The following HSD3B2 variants were observed in gnomAD, a reference collection of about 807,000 sequenced individuals.
The protein encoded by HSD3B2 is 3 beta-hydroxysteroid dehydrogenase/Delta 5-->4-isomerase type 2.
In HSD3B2, 8 loss-of-function variants were observed where a neutral mutation model predicts 9.9. The ratio of observed to expected loss-of-function variants is 0.81; its 90% CI spans 0.47 to 1.46. The LOEUF (loss-of-function observed/expected upper bound fraction) is 1.46. Among genes scored for constraint, HSD3B2 ranks in the 40% most tolerant of loss-of-function variants. The probability of loss-of-function intolerance (pLI) is 0.00; values close to 1 mark genes in which losing one functional copy is unlikely to be tolerated. For synonymous variants in HSD3B2, 221 were observed against 184.5 expected (o/e 1.20, Z -1.60); for missense variants, 410 against 448.3 (o/e 0.91, Z 0.77).
chr1:119,415,566 G>C lies in HSD3B2; in HGVS notation c.142+5G>C. The C allele has an allele frequency of 6.2e-7, 1 of 1,613,660 alleles. No homozygotes were observed. The highest frequency in any genetic ancestry group is 8.5e-7 in the Non-Finnish European group (1 of 1,179,684). On this transcript the variant is annotated splice_donor_5th_base_variant and intron_variant, in intron 2 of 3. Coordinates refer to ENST00000369416, the MANE Select transcript of HSD3B2 (RefSeq NM_000198.4). ...AATTGAGAGAGGAATTTTCTAGTAAGTAAACTTGAGTCATGGGTCTGTGGC... is the reference window on the plus strand; with the variant it reads ...AATTGAGAGAGGAATTTTCTAGTAACTAAACTTGAGTCATGGGTCTGTGGC...
chr1:119,418,630 C>T (rs111847259), intron 2 of HSD3B2, among the ~76,000 whole-genome samples: 1,969 of 123,840 alleles, frequency 0.016, 39 homozygotes, highest in African/African-American at 0.059. Flanking sequence ...ATTATTATTA[C>T]TATTATTATT....
Position 119,415,370 on chromosome 1 carries a change from G to C in HSD3B2, c.-50G>C. ...ACGCTAGAATCAGATCTGCTCTCCA[G>C]CATCTTCTGTTTCCTGGCAAGTGTT... is the stretch of plus-strand genomic sequence containing the variant. On this transcript the variant is annotated 5_prime_UTR_variant, in exon 2 of 4. Coordinates refer to ENST00000369416, the MANE Select transcript of HSD3B2 (RefSeq NM_000198.4). 1 of 1,604,554 alleles carries C rather than the reference G, an allele frequency of 6.2e-7. No individual in the cohort carries two copies. The highest frequency in any genetic ancestry group is 8.5e-7 in the Non-Finnish European group (1 of 1,172,378).
At chr1:119,415,658 C>A (rs1355944394) in intron 2 of HSD3B2, 97 bp downstream of exon 2, 20 of 1,316,586 alleles carry the variant, frequency 1.5e-5, no homozygotes, top group Non-Finnish European at 1.8e-5. Context: ...AAAGTTGTAG[C>A]CAAATGAAAG....
chr1:119,415,594 C>T, intron 2 of HSD3B2, 33 bp downstream of exon 2: 1 of 1,611,202 alleles, frequency 6.2e-7, no homozygotes. Flanking sequence ...TCTGTGGCTC[C>T]ATCTTAAACT....
In HSD3B2 at chr1:119,422,152, C is replaced by A. The variant is rs1239030800; in HGVS notation, c.651C>A (p.Phe217Leu). 9.3e-6 allele frequency: 15 copies of A among 1,614,102 alleles called. No homozygotes were observed. Among genetic ancestry groups the A allele is most frequent in the Non-Finnish European group, 1.3e-5 (15 of 1,180,006 alleles). Reference protein sequence around the residue: ...NNGILSSVGKFSTVNPVYVGN... With the variant: ...NNGILSSVGKLSTVNPVYVGN... ...GGATCCTGTCAAGTGTTGGAAAGTTCTCTACAGTCAACCCAGTCTATGTTG... is the reference window on the plus strand; with the variant it reads ...GGATCCTGTCAAGTGTTGGAAAGTTATCTACAGTCAACCCAGTCTATGTTG... The change falls in exon 4 of 4, where the codon TTC becomes TTA. Residue 217 changes from phenylalanine (F) to leucine (L), a missense_variant. Physicochemically the swap from Phe to Leu is conservative, Grantham distance 22 (BLOSUM62 0). Transcript: ENST00000369416.
chr1:119,421,902 A>G lies in HSD3B2; in HGVS notation c.401A>G (p.Lys134Arg). 1.2e-6 allele frequency: 2 copies of G among 1,614,072 alleles called. No individual in the cohort carries two copies. Among genetic ancestry groups the G allele is most frequent in the East Asian group, 4.5e-5 (2 of 44,862 alleles). ...SIEVAGPNSY[K>R]EIIQNGHEEE... ...GAGGTAGCCGGGCCCAACTCCTACA[A>G]GGAAATCATCCAGAACGGCCACGAA... The change falls in exon 4 of 4, where the codon AAG becomes AGG. Residue 134 changes from lysine (K) to arginine (R), a missense_variant. By Grantham distance (26) the Lys-to-Arg change is conservative. Transcript: ENST00000369416.
chr1:119,419,745 GT>G, intron 3 of HSD3B2, 163 bp downstream of exon 3: 1 of 705,058 alleles, frequency 1.4e-6, no homozygotes, highest in Non-Finnish European at 2.5e-6. Flanking sequence ...GGTAACCTCA[GT>G]TTTTTAGATG....
Position 119,421,898 on chromosome 1 carries a change from T to C in HSD3B2, c.397T>C (p.Tyr133His). 6.2e-7 allele frequency: 1 copy of C among 1,613,986 alleles called. No homozygotes were observed. The highest frequency in any genetic ancestry group is 8.5e-7 in the Non-Finnish European group (1 of 1,179,968). The change falls in exon 4 of 4, where the codon TAC becomes CAC. Residue 133 changes from tyrosine to histidine, a missense_variant. By Grantham distance (83) the Tyr-to-His change is moderately conservative (BLOSUM62 2). Coordinates refer to ENST00000369416, the MANE Select transcript of HSD3B2 (RefSeq NM_000198.4). ...SSIEVAGPNS[Y>H]KEIIQNGHEE... ...CATAGAGGTAGCCGGGCCCAACTCC[T>C]ACAAGGAAATCATCCAGAACGGCCA...
intron 3 of HSD3B2, among the ~76,000 whole-genome samples, chr1:119,420,638 G>T (rs1651834154): frequency 6.6e-6 from 1 of 152,132 alleles, no homozygotes; most frequent in Admixed American, 6.5e-5. Flanking sequence ...CACAATGATG[G>T]CCATTTCATG....
At chr1:119,420,266 AATCTTGCC>A (rs1224781225) in intron 3 of HSD3B2, among the ~76,000 whole-genome samples, 1 of 152,128 alleles carries the variant, frequency 6.6e-6, no homozygotes, top group Non-Finnish European at 1.5e-5. Flanking sequence ...TTTTTAAAGG[AATCTTGCC>A]ATGCAGTCTC....
chr1:119,415,341 G>A lies in HSD3B2; in HGVS notation c.-79G>A. ...ACCTCTTGTTTTTAGCCCTCTTCTG[G>A]GTCACGCTAGAATCAGATCTGCTCT... On this transcript the variant is annotated 5_prime_UTR_variant, in exon 2 of 4. Coordinates refer to ENST00000369416, the MANE Select transcript of HSD3B2 (RefSeq NM_000198.4). 1.4e-6 allele frequency: 2 copies of A among 1,481,186 alleles called. No homozygotes were observed. The highest frequency in any genetic ancestry group is 2.8e-5 in the African/African-American group (2 of 72,346). The allele number at this position is 1,481,186 out of a possible 1,614,324, so 91.8% of individuals were successfully genotyped here. A position where few individuals can be genotyped will look rare whatever the true frequency, so the allele number is the denominator to read the frequency against.
chr1:119,419,180 C>T (rs1651791466), intron 2 of HSD3B2, among the ~76,000 whole-genome samples: 1 of 152,176 alleles, frequency 6.6e-6, no homozygotes, highest in Admixed American at 6.5e-5. Context: ...TCACTGCTCA[C>T]ATTACTTTTC....
Position 119,422,742 on chromosome 1 carries a change from A to G in HSD3B2, c.*122A>G, listed in dbSNP as rs1651930437. 2 of 1,126,512 alleles carry G rather than the reference A, an allele frequency of 1.8e-6. No homozygotes were observed. Among genetic ancestry groups the G allele is most frequent in the African/African-American group, 1.5e-5 (1 of 65,046 alleles). 69.8% of individuals were successfully genotyped at this position (1,126,512 alleles called of 1,614,324 possible). On this transcript the variant is annotated 3_prime_UTR_variant, in exon 4 of 4. Coordinates refer to ENST00000369416, the MANE Select transcript of HSD3B2 (RefSeq NM_000198.4). ...CCAGGTCCTGCTGCCTCTCTTTCAC[A>G]CAATGCCCAACTTACTGTCTTCTTC... is the stretch of plus-strand genomic sequence containing the variant.
intron 2 of HSD3B2, among the ~76,000 whole-genome samples, chr1:119,418,582 A>G (rs1651770264): frequency 6.6e-6 from 1 of 151,786 alleles, no homozygotes; most frequent in Admixed American, 6.6e-5. Flanking sequence ...AGCCAAGGTA[A>G]ACTTCCTACG....
Position 119,415,441 on chromosome 1 carries a change from A to C in HSD3B2, c.22A>C (p.Thr8Pro), listed in dbSNP as rs1651676376. The change falls in exon 2 of 4, where the codon ACA (threonine) becomes CCA (proline). Residue 8 changes from threonine to proline, a missense_variant. Transcript: ENST00000369416. MGWSCLV[T>P]GAGGLLGQRI... ...CACGATGGGCTGGAGCTGCCTTGTG[A>C]CAGGAGCAGGAGGGCTTCTGGGTCA... is the stretch of plus-strand genomic sequence containing the variant. 1.2e-6 allele frequency: 2 copies of C among 1,613,796 alleles called. No homozygotes were observed. Among genetic ancestry groups the C allele is most frequent in the Non-Finnish European group, 1.7e-6 (2 of 1,179,904 alleles).
intron 3 of HSD3B2, 93 bp from the exon 4 acceptor site, chr1:119,421,716 T>TGGGAGTG (rs1651881070): frequency 7.3e-7 from 1 of 1,371,914 alleles, no homozygotes; most frequent in Non-Finnish European, 1.0e-6. Flanking sequence ...CCACTGCACT[T>TGGGAGTG]GGGAGTGGGG....
At position 119,421,441 on chromosome 1, in the gene HSD3B2, GTATATATATA is replaced by G. The variant is rs1317983138; in HGVS notation, c.308-366_308-357del. Among the ~76,000 whole-genome samples the G allele has an allele frequency of 3.2e-3, 53 of 16,440 alleles. 2 individuals carry two copies. Among genetic ancestry groups the G allele is most frequent in the African/African-American group, 7.3e-3 (51 of 6,996 alleles). 10.8% of individuals were successfully genotyped at this position (16,440 alleles called of 152,430 possible). On this transcript the variant is annotated intron_variant, in intron 3 of 3. Transcript: ENST00000369416. ...TGTATATATATGTATATATATATAT[GTATATATATA>G]TGTATATATATATGTATATATATAT...
intron 2 of HSD3B2, among the ~76,000 whole-genome samples, chr1:119,416,549 C>A (rs978383151): frequency 2.0e-5 from 3 of 152,122 alleles, no homozygotes; most frequent in African/African-American, 7.2e-5. Flanking sequence ...ATCACTTGAC[C>A]CCCGGGCTAA....
In HSD3B2 at chr1:119,421,981, T is replaced by C. The variant is rs970211090; in HGVS notation, c.480T>C (p.Leu160=). Residue 160 remains leucine (L), a synonymous_variant, in exon 4 of 4, where the codon CTT becomes CTC. Coordinates refer to ENST00000369416, the MANE Select transcript of HSD3B2 (RefSeq NM_000198.4). ...WPTPYPYSKK[L]AEKAVLAANG... is the part of the protein sequence containing the mutation. ...CTCCATACCCGTACAGCAAAAAGCT[T>C]GCTGAGAAGGCTGTGCTGGCGGCTA... 6.2e-7 allele frequency: 1 copy of C among 1,614,078 alleles called. No homozygotes were observed. Among genetic ancestry groups the C allele is most frequent in the Admixed American group, 1.7e-5 (1 of 60,018 alleles).
Sources: allele counts gnomAD v4.1 joint callset (sites outside exome capture counted in the v4.1 genomes callset), GRCh38; gene constraint gnomAD v4.1.1; transcripts MANE v1.5; gene names NCBI Gene and HGNC (gene_info 2026-07-23, HGNC 2026-07-21).